The following GPR107 variants were observed in gnomAD, a reference collection of about 807,000 sequenced individuals.
The protein encoded by GPR107 is G protein-coupled receptor 107.
A neutral mutation model predicts 75.5 loss-of-function variants in GPR107; 31 were observed. The ratio of observed to expected loss-of-function variants is 0.41; its 90% CI spans 0.31 to 0.55. GPR107 has a LOEUF of 0.55. GPR107 is among the 20% of genes least tolerant of loss of function. GPR107 has a pLI of 0.26. For synonymous variants in GPR107, 267 were observed against 251.3 expected (o/e 1.06, Z -0.59); for missense variants, 572 against 665.7 (o/e 0.86, Z 1.55).
At chr9:130,056,580 T>C (rs891541926) in intron 1 of GPR107, among the ~76,000 whole-genome samples, 4 of 152,138 alleles carry the variant, frequency 2.6e-5, no homozygotes, top group Non-Finnish European at 4.4e-5. Context: ...ACAGTAACCA[T>C]AGCTGATAAG....
At chr9:130,070,037 T>C (rs1236785105) in intron 1 of GPR107, among the ~76,000 whole-genome samples, 2 of 134,922 alleles carry the variant, frequency 1.5e-5, no homozygotes, top group African/African-American at 5.6e-5. Flanking sequence ...AGGGTCTTGC[T>C]CTGTTGCCCA....
intron 6 of GPR107, among the ~76,000 whole-genome samples, chr9:130,085,754 A>ATTTTTTTTTTTTTATTTTT (rs1830599179): frequency 1.3e-5 from 1 of 78,674 alleles, no homozygotes; most frequent in Non-Finnish European, 2.4e-5. Context: ...CAATATTTTG[A>ATTTTTTTTTTTTTATTTTT]TTTTTTTTTT....
chr9:130,122,138 G>A (rs372957236), intron 14 of GPR107, among the ~76,000 whole-genome samples: 2 of 152,094 alleles, frequency 1.3e-5, no homozygotes, highest in East Asian at 1.9e-4. Flanking sequence ...TGATCCACCC[G>A]CCTCAGCCTC....
intron 14 of GPR107, among the ~76,000 whole-genome samples, chr9:130,122,892 T>A (rs909513210): frequency 6.6e-6 from 1 of 152,060 alleles, no homozygotes; most frequent in African/African-American, 2.4e-5. Flanking sequence ...TCCCAGCTAC[T>A]CAGGAGGCTG....
In GPR107 at chr9:130,107,506, C is replaced by A; in HGVS notation, c.1273C>A (p.His425Asn). ...AATGTTTATTTTTAGGTCAATCAGA[C>A]ATTTACAAGAAGCATCAGCAACAGA... ...ILFPVVWSIR[H>N]LQEASATDGK... The change falls in exon 14 of 18, where the codon CAT becomes AAT. Residue 425 changes from histidine (H) to asparagine (N), a missense_variant. Transcript: ENST00000347136. 1 of 1,590,462 alleles carries A rather than the reference C, an allele frequency of 6.3e-7. No individual in the cohort carries two copies. The highest frequency in any genetic ancestry group is 8.6e-7 in the Non-Finnish European group (1 of 1,158,270).
chr9:130,135,676 A>G lies in GPR107; in HGVS notation c.*555A>G, dbSNP rs1320030753. ...CAGTTTAGGATGTAGCACCTGCCCC[A>G]GGATTCCTGCCCTCGGCTTTGCCCC... On this transcript the variant is annotated 3_prime_UTR_variant, in exon 18 of 18. Coordinates refer to ENST00000347136, the MANE Select transcript of GPR107 (RefSeq NM_020960.5). The G allele has an allele frequency of 1.3e-5, 2 of 153,026 alleles. No homozygotes were observed. Among genetic ancestry groups the G allele is most frequent in the African/African-American group, 2.4e-5 (1 of 41,460 alleles). The allele number at this position is 153,026 out of a possible 1,614,324, so 9.5% of individuals were successfully genotyped here.
intron 14 of GPR107, among the ~76,000 whole-genome samples, chr9:130,113,546 A>G (rs1048443094): frequency 2.0e-5 from 3 of 152,178 alleles, no homozygotes; most frequent in African/African-American, 4.8e-5. Flanking sequence ...CCCAGTTCTT[A>G]TAAGACTTAT....
Position 130,100,651 on chromosome 9 carries a change from C to T in GPR107, c.962C>T (p.Ser321Phe), listed in dbSNP as rs1564674608. 1 of 1,612,914 alleles carries T rather than the reference C, an allele frequency of 6.2e-7. No individual in the cohort carries two copies. Among genetic ancestry groups the T allele is most frequent in the African/African-American group, 1.3e-5 (1 of 75,044 alleles). Residue 321 changes from serine to phenylalanine, a missense_variant, in exon 11 of 18, where the codon TCC (serine) becomes TTC (phenylalanine). Physicochemically the swap from Ser to Phe is radical, Grantham distance 155. Coordinates refer to ENST00000347136, the MANE Select transcript of GPR107 (RefSeq NM_020960.5). ...CAGATTGACTACCACTACATCTCCT[C>T]CCAGGGCTTCCCTATCGAAGGCTGG... ...FHAIDYHYIS[S>F]QGFPIEGWAV... is the part of the protein sequence containing the mutation.
chr9:130,091,769 C>T (rs976258571), intron 8 of GPR107, among the ~76,000 whole-genome samples: 11 of 151,322 alleles, frequency 7.3e-5, no homozygotes, highest in Non-Finnish European at 5.9e-5. Context: ...AATCTTGGCT[C>T]ACTGCAACCT....
chr9:130,077,632 A>G (rs988544915), intron 4 of GPR107, among the ~76,000 whole-genome samples: 1 of 152,218 alleles, frequency 6.6e-6, no homozygotes, highest in African/African-American at 2.4e-5. Context: ...GAGGCTTCAG[A>G]TAAGTGTTGG....
intron 12 of GPR107, among the ~76,000 whole-genome samples, 180 bp from the exon 13 acceptor site, chr9:130,104,240 C>T (rs1831105298): frequency 1.3e-5 from 2 of 152,108 alleles, no homozygotes; most frequent in African/African-American, 4.8e-5. Context: ...AGGGGGGTGG[C>T]ATAGAGACTC....
At chr9:130,058,249 A>T (rs1265248696) in intron 1 of GPR107, among the ~76,000 whole-genome samples, 2 of 152,168 alleles carry the variant, frequency 1.3e-5, no homozygotes, top group East Asian at 3.9e-4. Context: ...TAACTGTATA[A>T]TGCAATGATT....
At chr9:130,056,639 A>G (rs144471007) in intron 1 of GPR107, among the ~76,000 whole-genome samples, 36 of 151,648 alleles carry the variant, frequency 2.4e-4, no homozygotes, top group African/African-American at 7.5e-4. Flanking sequence ...AAAGTTCACA[A>G]ATTTGGCTGG....
chr9:130,097,411 T>G (rs952577259), intron 9 of GPR107, among the ~76,000 whole-genome samples: 17 of 152,114 alleles, frequency 1.1e-4, no homozygotes, highest in Admixed American at 3.3e-4. Flanking sequence ...CGCCTCGGCC[T>G]CCCAAAGTGC....
chr9:130,104,603 ATAG>A, intron 13 of GPR107, 53 bp downstream of exon 13: 1 of 1,509,918 alleles, frequency 6.6e-7, no homozygotes, highest in Non-Finnish European at 9.2e-7. Flanking sequence ...GTCAAGCCCA[ATAG>A]CTGAACTGGC....
chr9:130,080,739 C>G (rs1338799848), intron 5 of GPR107, among the ~76,000 whole-genome samples: 1 of 151,692 alleles, frequency 6.6e-6, no homozygotes, highest in Non-Finnish European at 1.5e-5. Context: ...GATCCGCCCG[C>G]CTCGGCCTCC....
intron 14 of GPR107, among the ~76,000 whole-genome samples, chr9:130,123,445 A>T (rs952027672): frequency 7.0e-6 from 1 of 143,346 alleles, no homozygotes; most frequent in Non-Finnish European, 1.5e-5. Flanking sequence ...CTCATGATCC[A>T]CCCGCCTCGG....
chr9:130,120,594 C>CT (rs1490189157), intron 14 of GPR107, among the ~76,000 whole-genome samples: 1 of 152,204 alleles, frequency 6.6e-6, no homozygotes, highest in African/African-American at 2.4e-5. Context: ...CTAGCAGCCA[C>CT]TGAGGTGGGA....
rs1232490608 is a variant in GPR107, at chr9:130,101,134, A to G, written c.1042A>G (p.Ile348Val). 6 of 1,608,318 alleles carry G rather than the reference A, an allele frequency of 3.7e-6. No individual in the cohort carries two copies. Among genetic ancestry groups the G allele is most frequent in the Non-Finnish European group, 5.1e-6 (6 of 1,174,742 alleles). ...GAAAGGGGCGCTACTCTTCATCACC[A>G]TTGCACTCATTGGCACTGGCTGGGC... ...LLKGALLFIT[I>V]ALIGTGWAFI... The change falls in exon 12 of 18, where the codon ATT (isoleucine) becomes GTT (valine). Residue 348 changes from isoleucine to valine, a missense_variant. Coordinates refer to ENST00000347136, the MANE Select transcript of GPR107 (RefSeq NM_020960.5).
Sources: gnomAD v4.1 joint callset for allele counts (sites outside exome capture counted in the v4.1 genomes callset) on GRCh38, gnomAD v4.1.1 for gene constraint, MANE v1.5 for transcripts, NCBI Gene and HGNC (gene_info 2026-07-23, HGNC 2026-07-21) for gene names.